NADK2: variants seen among roughly 807,000 people sequenced by gnomAD.
The protein encoded by NADK2 is NAD kinase 2, mitochondrial.
In NADK2, 35 loss-of-function variants were observed where a neutral mutation model predicts 62.1. The ratio of observed to expected loss-of-function variants is 0.56; its 90% CI spans 0.43 to 0.75. The LOEUF (loss-of-function observed/expected upper bound fraction) is 0.75. Ranked by LOEUF, NADK2 falls within the 30% of genes least tolerant of loss-of-function variation. The pLI is 0.00. For synonymous variants in NADK2, 205 were observed against 207.9 expected (o/e 0.99, Z 0.12); for missense variants, 439 against 561.3 (o/e 0.78, Z 2.20).
At chr5:36,212,058 TAAA>T (rs1746869669) in intron 6 of NADK2, 136 bp from the exon 7 acceptor site, 1 of 614,772 alleles carries the variant, frequency 1.6e-6, no homozygotes, top group Non-Finnish European at 2.8e-6. Context: ...AGTTAACATT[TAAA>T]TTATCTTTTA....
intron 4 of NADK2, among the ~76,000 whole-genome samples, chr5:36,225,227 T>C (rs939704892): frequency 3.3e-5 from 5 of 152,132 alleles, no homozygotes; most frequent in Admixed American, 6.5e-5. Flanking sequence ...AACAACTACA[T>C]AAAAGACAAT....
At chr5:36,227,407 G>C (rs967044544) in intron 2 of NADK2, 70 bp downstream of exon 2, 1 of 624,162 alleles carries the variant, frequency 1.6e-6, no homozygotes, top group Admixed American at 4.2e-5. Flanking sequence ...AGAATGGGCT[G>C]CTAGTACAAA....
At chr5:36,231,405 A>T (rs1747705309) in intron 1 of NADK2, among the ~76,000 whole-genome samples, 1 of 152,196 alleles carries the variant, frequency 6.6e-6, no homozygotes, top group Admixed American at 6.5e-5. Context: ...TTCCCACTCA[A>T]ATTTCTTCTT....
At position 36,225,232 on chromosome 5, in the gene NADK2, G is replaced by T. The variant is rs1747437826; in HGVS notation, c.560+310C>A. On this transcript the variant is annotated intron_variant, in intron 4 of 11. Coordinates refer to ENST00000381937, the MANE Select transcript of NADK2 (RefSeq NM_001085411.3). ...TATCCTTGAAAACAACTACATAAAA[G>T]ACAATCCTACTCAGTTCTACATACC... Among the ~76,000 whole-genome samples, 3 of 152,066 alleles carry T rather than the reference G, an allele frequency of 2.0e-5. No homozygotes were observed. The South Asian group carries it at 6.2e-4, about 31-fold the overall frequency.
intron 8 of NADK2, among the ~76,000 whole-genome samples, chr5:36,204,071 C>T (rs1479349836): frequency 6.6e-6 from 1 of 152,088 alleles, no homozygotes; most frequent in Non-Finnish European, 1.5e-5. Flanking sequence ...AAATATTTAT[C>T]CTTGCTAACC....
chr5:36,205,816 T>C lies in NADK2; in HGVS notation c.956+1354A>G, dbSNP rs1272934214. Reference sequence around the variant, plus strand: ...GGGTATATACCCAAAGGATTATAAATCATACTACTATAAAGACACATGCAC... The same window carrying C: ...GGGTATATACCCAAAGGATTATAAACCATACTACTATAAAGACACATGCAC... On this transcript the variant is annotated intron_variant, in intron 8 of 11. Transcript: ENST00000381937. This position sits in a 1 kb window ranked among gnomAD's most constrained non-coding sequence, Gnocchi z 4.1. Among the ~76,000 whole-genome samples the C allele has an allele frequency of 6.6e-6, 1 of 152,106 alleles. No individual in the cohort carries two copies. Among genetic ancestry groups the C allele is most frequent in the African/African-American group, 2.4e-5 (1 of 41,410 alleles).
At chr5:36,227,624 T>C in intron 1 of NADK2, 59 bp from the exon 2 acceptor site, 1 of 937,282 alleles carries the variant, frequency 1.1e-6, no homozygotes, top group Non-Finnish European at 1.5e-6. Flanking sequence ...GATGTTCTAA[T>C]ATTATGATTT....
intron 1 of NADK2, among the ~76,000 whole-genome samples, chr5:36,234,292 G>T (rs901248557): frequency 6.8e-6 from 1 of 147,042 alleles, no homozygotes; most frequent in Non-Finnish European, 1.5e-5. Context: ...AGAATGGCGT[G>T]AACCCGGGAG....
At chr5:36,198,736 T>C (rs1043388232) in intron 10 of NADK2, among the ~76,000 whole-genome samples, 7 of 151,534 alleles carry the variant, frequency 4.6e-5, no homozygotes, top group African/African-American at 1.7e-4. Flanking sequence ...TAACTTTCCT[T>C]TGATACAGAT....
intron 8 of NADK2, among the ~76,000 whole-genome samples, chr5:36,201,682 T>C (rs1441301327): frequency 6.6e-6 from 1 of 151,956 alleles, no homozygotes; most frequent in African/African-American, 2.4e-5. Context: ...AAAAAATATA[T>C]ATATAGTATG....
At chr5:36,206,645 G>A (rs889457430) in intron 8 of NADK2, among the ~76,000 whole-genome samples, 1 of 152,054 alleles carries the variant, frequency 6.6e-6, no homozygotes, top group Non-Finnish European at 1.5e-5. Flanking sequence ...TGAATCTGAA[G>A]TGCTACTAAC....
intron 1 of NADK2, among the ~76,000 whole-genome samples, chr5:36,231,096 T>C (rs904773404): frequency 6.6e-6 from 1 of 152,196 alleles, no homozygotes; most frequent in Non-Finnish European, 1.5e-5. Flanking sequence ...TAAACCTTAC[T>C]GTGTAAGCCC....
intron 6 of NADK2, 106 bp downstream of exon 6, chr5:36,217,642 A>G: frequency 8.2e-7 from 1 of 1,226,748 alleles, no homozygotes; most frequent in Non-Finnish European, 1.2e-6. Context: ...GTTAAGTGCT[A>G]TTAATGACAC....
At chr5:36,195,409 A>T (rs1312551163) in intron 11 of NADK2, 127 bp from the exon 12 acceptor site, 1 of 960,184 alleles carries the variant, frequency 1.0e-6, no homozygotes, top group Non-Finnish European at 1.5e-6. Context: ...TGGTATGAGA[A>T]AATTAGTCAC....
rs58371779 is a variant in NADK2, at chr5:36,213,618, C to CAT, written c.782-1698_782-1697dup. ...TGATACAAAAAGCTATATATGCATG[C>CAT]ATATATATATATATGGATTTGATAT... On this transcript the variant is annotated intron_variant, in intron 6 of 11. Transcript: ENST00000381937. 2.3e-4 allele frequency among the ~76,000 whole-genome samples: 25 copies of CAT among 107,548 alleles called. 1 individual carries two copies. Among genetic ancestry groups the CAT allele is most frequent in the South Asian group, 9.0e-4 (2 of 2,216 alleles). 70.6% of individuals were successfully genotyped at this position (107,548 alleles called of 152,430 possible).
intron 1 of NADK2, among the ~76,000 whole-genome samples, chr5:36,240,433 A>C (rs1455180853): frequency 6.6e-6 from 1 of 152,244 alleles, no homozygotes; most frequent in East Asian, 1.9e-4. Context: ...CGATACCAGA[A>C]GTTTCCAACA....
At chr5:36,215,791 G>C (rs769730479) in intron 6 of NADK2, among the ~76,000 whole-genome samples, 1 of 151,966 alleles carries the variant, frequency 6.6e-6, no homozygotes, top group Admixed American at 6.6e-5. Flanking sequence ...TCTTTTTATG[G>C]GTGAAGAGTA....
intron 10 of NADK2, 57 bp from the exon 11 acceptor site, chr5:36,197,721 CA>C: frequency 7.2e-7 from 1 of 1,391,064 alleles, no homozygotes; most frequent in Non-Finnish European, 9.4e-7. Flanking sequence ...CTGAGAAGGG[CA>C]AAACAAAAAA....
At chr5:36,212,978 C>T (rs895800049) in intron 6 of NADK2, 1 of 152,246 alleles carries the variant, frequency 6.6e-6, no homozygotes, top group African/African-American at 2.4e-5. Flanking sequence ...GACACTATTG[C>T]TTCCACCTTG....
Sources: gnomAD v4.1 joint callset for allele counts (sites outside exome capture counted in the v4.1 genomes callset) on GRCh38, gnomAD v4.1.1 for gene constraint, Gnocchi (gnomAD v3.1) non-coding constraint, MANE v1.5 for transcripts, NCBI Gene and HGNC (gene_info 2026-07-23, HGNC 2026-07-21) for gene names.